The following ATP8B4 variants were observed in gnomAD, a reference collection of about 807,000 sequenced individuals.
ATP8B4 encodes the protein probable phospholipid-transporting ATPase IM.
Under a neutral mutation model 145.6 loss-of-function variants are expected in ATP8B4, and 133 were observed. That is an observed-to-expected ratio of 0.91 (90% confidence interval 0.79 to 1.05). The LOEUF (loss-of-function observed/expected upper bound fraction) is 1.05, where lower values mean the gene tolerates loss of function less well. Among genes scored for constraint, ATP8B4 ranks in the 50% least tolerant of loss-of-function variants. The pLI is 0.00. For synonymous variants in ATP8B4, 507 were observed against 492.9 expected, an observed-to-expected ratio of 1.03 and a Z score of -0.38; for missense variants, 1,458 against 1,425.2, an observed-to-expected ratio of 1.02 and a Z score of -0.37.
intron 1 of ATP8B4, chr15:50,114,349 G>A (rs1282432938): frequency 1.3e-5 from 2 of 151,908 alleles, no homozygotes; most frequent in Non-Finnish European, 1.5e-5. Flanking sequence ...CCACTTATAA[G>A]TGAGAACATA....
intron 10 of ATP8B4, among the ~76,000 whole-genome samples, chr15:49,984,703 C>G (rs193103616): frequency 2.0e-4 from 30 of 152,024 alleles, no homozygotes; most frequent in African/African-American, 6.8e-4. Flanking sequence ...CAAAGCCCAA[C>G]CAGAAGCAGA....
At chr15:50,112,724 G>A (rs1053424437) in intron 1 of ATP8B4, among the ~76,000 whole-genome samples, 3 of 152,012 alleles carry the variant, frequency 2.0e-5, no homozygotes, top group African/African-American at 4.8e-5. Context: ...GCTGTGTGAG[G>A]TTAAGTACAC....
intron 26 of ATP8B4, 109 bp from the exon 27 acceptor site, chr15:49,862,484 T>TG (rs1180546302): frequency 5.6e-6 from 7 of 1,253,100 alleles, no homozygotes; most frequent in Admixed American, 4.6e-5. Flanking sequence ...GATGGAGTCT[T>TG]GCTCTGTCTT....
chr15:50,013,073 A>AACC (rs771351831), intron 6 of ATP8B4, among the ~76,000 whole-genome samples: 1 of 152,160 alleles, frequency 6.6e-6, no homozygotes, highest in East Asian at 1.9e-4. Flanking sequence ...TCCTACCTAC[A>AACC]ACCACCACCA....
intron 2 of ATP8B4, among the ~76,000 whole-genome samples, chr15:50,099,454 A>C (rs2056207931): frequency 6.6e-6 from 1 of 151,906 alleles, no homozygotes; most frequent in African/African-American, 2.4e-5. Flanking sequence ...TACTTTTTAA[A>C]TTTTTGGTAG....
At chr15:49,889,849 C>A (rs2036603364) in intron 23 of ATP8B4, among the ~76,000 whole-genome samples, 1 of 152,178 alleles carries the variant, frequency 6.6e-6, no homozygotes, top group Non-Finnish European at 1.5e-5. Context: ...AATCTGTTTA[C>A]ATTTGGTCAG....
intron 1 of ATP8B4, among the ~76,000 whole-genome samples, chr15:50,176,520 T>A (rs887133718): frequency 6.6e-5 from 10 of 151,552 alleles, no homozygotes; most frequent in Non-Finnish European, 1.3e-4. Flanking sequence ...TATGGAAAAA[T>A]AAAATATTTT....
chr15:50,009,052 G>A (rs972045540), intron 7 of ATP8B4, among the ~76,000 whole-genome samples: 5 of 151,986 alleles, frequency 3.3e-5, no homozygotes, highest in Non-Finnish European at 4.4e-5. Flanking sequence ...AATTCCACAC[G>A]TCCCTTTTTT....
At chr15:50,002,077 T>G (rs2047936708) in intron 8 of ATP8B4, 76 bp downstream of exon 8, 2 of 1,242,444 alleles carry the variant, frequency 1.6e-6, no homozygotes, top group South Asian at 1.3e-5. Flanking sequence ...CTGAACAAGG[T>G]TAAGTCTTAT....
intron 3 of ATP8B4, among the ~76,000 whole-genome samples, chr15:50,051,303 C>T (rs1196981876): frequency 1.3e-5 from 2 of 152,168 alleles, no homozygotes; most frequent in Non-Finnish European, 2.9e-5. Flanking sequence ...GCCTCCCCAG[C>T]CATGCTGAAC....
chr15:49,949,922 T>C (rs879116497), intron 14 of ATP8B4, among the ~76,000 whole-genome samples: 2 of 152,196 alleles, frequency 1.3e-5, no homozygotes, highest in African/African-American at 4.8e-5. Context: ...GAAAATCATG[T>C]GATTTTTGTC....
intron 6 of ATP8B4, among the ~76,000 whole-genome samples, chr15:50,029,045 C>A (rs1254280624): frequency 6.6e-6 from 1 of 151,640 alleles, no homozygotes; most frequent in Non-Finnish European, 1.5e-5. Flanking sequence ...CTATCCTGGC[C>A]AACATGGTAA....
At chr15:50,065,301 T>C (rs985010690) in intron 3 of ATP8B4, among the ~76,000 whole-genome samples, 4 of 152,200 alleles carry the variant, frequency 2.6e-5, no homozygotes, top group African/African-American at 4.8e-5. Flanking sequence ...AGTTTCATAA[T>C]AGTGGACATG....
At position 50,141,321 on chromosome 15, in the gene ATP8B4, A is replaced by G. The variant is rs118111108; in HGVS notation, c.-42-34313T>C. Among the ~76,000 whole-genome samples, 262 of 152,064 alleles carry G rather than the reference A, an allele frequency of 1.7e-3. 3 individuals carry two copies. In the East Asian group the frequency reaches 0.019, roughly 11 times the overall value. On this transcript the variant is annotated intron_variant, in intron 1 of 3. Transcript: ENST00000558829. ...AAAACAAAACAAACTTAGAGGTGAA[A>G]GTTTCCAGACTCTCCAAGGCCTTAT...
chr15:50,128,513 G>C (rs2153678665), intron 1 of ATP8B4, among the ~76,000 whole-genome samples: 1 of 152,296 alleles, frequency 6.6e-6, no homozygotes, highest in African/African-American at 2.4e-5. Context: ...AGAGGACCTG[G>C]CATGGATCCA....
chr15:49,943,303 T>C (rs1269946046), intron 14 of ATP8B4, among the ~76,000 whole-genome samples: 3 of 152,168 alleles, frequency 2.0e-5, no homozygotes, highest in South Asian at 2.1e-4. Context: ...AGAAAGCTTA[T>C]TTAAATAAAT....
chr15:49,930,568 T>C (rs1367460532), intron 16 of ATP8B4, among the ~76,000 whole-genome samples: 1 of 152,048 alleles, frequency 6.6e-6, no homozygotes. Context: ...ATGAGGAGGC[T>C]GAGGACGATG....
chr15:49,893,883 C>A (rs769293915), intron 23 of ATP8B4, among the ~76,000 whole-genome samples: 1 of 152,156 alleles, frequency 6.6e-6, no homozygotes, highest in Non-Finnish European at 1.5e-5. Context: ...AAAAGTAAAA[C>A]ATTTAGACAA....
chr15:49,992,362 C>A (rs1435313583), intron 9 of ATP8B4, among the ~76,000 whole-genome samples: 1 of 152,116 alleles, frequency 6.6e-6, no homozygotes, highest in African/African-American at 2.4e-5. Context: ...AAGGCCTGAG[C>A]CTGACTTATT....
Sources: allele counts gnomAD v4.1 joint callset (sites outside exome capture counted in the v4.1 genomes callset), GRCh38; gene constraint gnomAD v4.1.1; transcripts MANE v1.5; gene names NCBI Gene and HGNC (gene_info 2026-07-23, HGNC 2026-07-21).